The following NRG1 variants were observed in gnomAD, a reference collection of about 807,000 sequenced individuals.
The protein encoded by NRG1 is neuregulin 1.
NRG1 carries 18 observed loss-of-function variants against 63.8 expected under a neutral mutation model. The ratio of observed to expected loss-of-function variants is 0.28; its 90% CI spans 0.19 to 0.42. The LOEUF is 0.42. Among genes scored for constraint, NRG1 ranks in the 10% least tolerant of loss-of-function variants. The pLI, the probability that NRG1 is intolerant of heterozygous loss-of-function variation, is 1.00. For missense variants in NRG1, 762 were observed against 814.7 expected, an observed-to-expected ratio of 0.94 and a Z score of 0.79; for synonymous variants, 302 against 301.3, an observed-to-expected ratio of 1.00 and a Z score of -0.02.
chr8:31,855,350 C>T (rs1827742717), intron 1 of NRG1, among the ~76,000 whole-genome samples: 1 of 152,048 alleles, frequency 6.6e-6, no homozygotes. Context: ...TGAATTGATC[C>T]CTTTACCATT....
intron 1 of NRG1, among the ~76,000 whole-genome samples, chr8:31,806,202 T>A (rs1822268787): frequency 6.6e-6 from 1 of 152,294 alleles, no homozygotes; most frequent in South Asian, 2.1e-4. Context: ...GAACACATGC[T>A]ATCAACTGGA....
At chr8:32,329,364 T>A (rs1652772567) in intron 1 of NRG1, among the ~76,000 whole-genome samples, 2 of 152,202 alleles carry the variant, frequency 1.3e-5, no homozygotes, top group South Asian at 4.1e-4. Flanking sequence ...GACAATTGGA[T>A]TCCAAAATGT....
At chr8:32,054,499 A>T (rs767863506) in intron 1 of NRG1, among the ~76,000 whole-genome samples, 3 of 152,232 alleles carry the variant, frequency 2.0e-5, no homozygotes, top group Non-Finnish European at 4.4e-5. Flanking sequence ...AGCTCCAAGG[A>T]TACCCAAATG....
At chr8:32,548,246 C>T, upstream of NRG1, 3 of 985,678 alleles carry the variant, frequency 3.0e-6, no homozygotes, top group Non-Finnish European at 3.6e-6. Context: ...CGCCTGCCTC[C>T]AACCTGCGGG....
intron 1 of NRG1, among the ~76,000 whole-genome samples, chr8:32,326,105 G>A (rs1193689499): frequency 1.3e-5 from 2 of 151,588 alleles, no homozygotes; most frequent in East Asian, 1.9e-4. Context: ...CACCTCCTGG[G>A]TTCAAGCGAT....
chr8:32,655,429 A>C (rs929640207), intron 5 of NRG1, among the ~76,000 whole-genome samples: 1 of 152,242 alleles, frequency 6.6e-6, no homozygotes, highest in African/African-American at 2.4e-5. Context: ...AAAACTCTCA[A>C]GAGATTGTGA....
At chr8:31,838,330 T>C (rs1224145282) in intron 1 of NRG1, among the ~76,000 whole-genome samples, 1 of 152,078 alleles carries the variant, frequency 6.6e-6, no homozygotes, top group African/African-American at 2.4e-5. Context: ...GTACCACCTG[T>C]TTTAATTATT....
chr8:31,670,377 C>G (rs1807003468), intron 1 of NRG1, among the ~76,000 whole-genome samples: 2 of 152,126 alleles, frequency 1.3e-5, no homozygotes, highest in African/African-American at 4.8e-5. Context: ...TTTACACTCT[C>G]CCAACCTGAC....
intron 1 of NRG1, among the ~76,000 whole-genome samples, chr8:32,175,993 A>C (rs981052220): frequency 5.9e-5 from 9 of 152,202 alleles, no homozygotes; most frequent in Admixed American, 4.6e-4. Flanking sequence ...TTTAAAGTTC[A>C]TATGGAACCA....
At chr8:32,696,016 G>A (rs1214444617) in intron 5 of NRG1, among the ~76,000 whole-genome samples, 1 of 152,138 alleles carries the variant, frequency 6.6e-6, no homozygotes, top group Admixed American at 6.5e-5. Context: ...GAATGCCTTG[G>A]CCTCCCTTCC....
At chr8:31,752,780 T>C (rs1378386827) in intron 1 of NRG1, among the ~76,000 whole-genome samples, 1 of 152,036 alleles carries the variant, frequency 6.6e-6, no homozygotes, top group Non-Finnish European at 1.5e-5. Flanking sequence ...AGTTCAGTTC[T>C]GGATTTGATA....
At chr8:32,601,586 T>A (rs918076093) in intron 2 of NRG1, among the ~76,000 whole-genome samples, 7 of 152,142 alleles carry the variant, frequency 4.6e-5, no homozygotes, top group Non-Finnish European at 8.8e-5. Context: ...CCTGGAAATA[T>A]ATTTAAATAG....
chr8:32,160,282 G>A (rs1838680672), intron 1 of NRG1, among the ~76,000 whole-genome samples: 1 of 152,220 alleles, frequency 6.6e-6, no homozygotes, highest in Admixed American at 6.5e-5. Flanking sequence ...TTGAATGATT[G>A]AGAATATTTG....
intron 1 of NRG1, among the ~76,000 whole-genome samples, chr8:32,089,518 T>A (rs1020409021): frequency 1.3e-5 from 2 of 152,078 alleles, no homozygotes; most frequent in African/African-American, 4.8e-5. Flanking sequence ...ATTTTTTTTT[T>A]AAATGCCAGA....
At chr8:32,029,536 G>C (rs1419908251) in intron 1 of NRG1, 2 of 152,206 alleles carry the variant, frequency 1.3e-5, no homozygotes, top group Admixed American at 1.3e-4. Context: ...TGCCTTGTTT[G>C]AACATGGTTT....
At chr8:32,495,211 G>T (rs186568076) in intron 1 of NRG1, among the ~76,000 whole-genome samples, 31 of 152,288 alleles carry the variant, frequency 2.0e-4, no homozygotes, top group African/African-American at 6.5e-4. Context: ...GAGGGATCCC[G>T]TCGGAGGTAA....
At chr8:31,744,275 T>C (rs1488068181) in intron 1 of NRG1, among the ~76,000 whole-genome samples, 1 of 152,032 alleles carries the variant, frequency 6.6e-6, no homozygotes, top group Non-Finnish European at 1.5e-5. Flanking sequence ...CCAATGTCTA[T>C]TGGGTAGGGA....
At chr8:32,720,189 G>T (rs892077208) in intron 5 of NRG1, among the ~76,000 whole-genome samples, 1 of 152,070 alleles carries the variant, frequency 6.6e-6, no homozygotes, top group Admixed American at 6.6e-5. Context: ...CTTGATTCTT[G>T]TTGGATGTTC....
At chr8:31,976,188 T>C (rs1808140648) in intron 1 of NRG1, among the ~76,000 whole-genome samples, 1 of 152,156 alleles carries the variant, frequency 6.6e-6, no homozygotes, top group African/African-American at 2.4e-5. Flanking sequence ...CCAATTACCA[T>C]TGTTTGGTAA....
Sources: allele counts gnomAD v4.1 joint callset (sites outside exome capture counted in the v4.1 genomes callset), GRCh38; gene constraint gnomAD v4.1.1; transcripts MANE v1.5; gene names NCBI Gene and HGNC (gene_info 2026-07-23, HGNC 2026-07-21).